DOK6: variants seen among roughly 807,000 people sequenced by gnomAD.
The protein encoded by DOK6 is downstream of tyrosine kinase 6.
In DOK6, 22 loss-of-function variants were observed where a neutral mutation model predicts 44.0. The ratio of observed to expected loss-of-function variants is 0.50; its 90% CI spans 0.36 to 0.71. The LOEUF (loss-of-function observed/expected upper bound fraction) is 0.71. Ranked by LOEUF, DOK6 falls within the 30% of genes least tolerant of loss-of-function variation. DOK6 has a pLI of 0.00. For missense variants in DOK6, 340 were observed against 416.4 expected, an observed-to-expected ratio of 0.82 and a Z score of 1.60; for synonymous variants, 166 against 145.5, an observed-to-expected ratio of 1.14 and a Z score of -1.01.
At chr18:69,714,486 A>G (rs945165912) in intron 5 of DOK6, among the ~76,000 whole-genome samples, 1 of 152,142 alleles carries the variant, frequency 6.6e-6, no homozygotes, top group Non-Finnish European at 1.5e-5. Flanking sequence ...TCTCTTGATA[A>G]TTTCATCCTT....
At chr18:69,583,971 G>T (rs539017023) in intron 2 of DOK6, among the ~76,000 whole-genome samples, 12 of 151,592 alleles carry the variant, frequency 7.9e-5, no homozygotes, top group Non-Finnish European at 1.8e-4. Flanking sequence ...AGCCAGGCGT[G>T]GTGGCGGGCG....
intron 1 of DOK6, among the ~76,000 whole-genome samples, chr18:69,467,470 A>G (rs1003811463): frequency 6.6e-6 from 1 of 152,182 alleles, no homozygotes; most frequent in Non-Finnish European, 1.5e-5. Context: ...AGTATAATAT[A>G]TGAAAATATG....
intron 7 of DOK6, among the ~76,000 whole-genome samples, chr18:69,769,389 G>C (rs1174248423): frequency 1.3e-5 from 2 of 152,024 alleles, no homozygotes; most frequent in Non-Finnish European, 2.9e-5. Context: ...ATCATTTCCA[G>C]TTTAGGATTC....
chr18:69,632,982 C>G (rs1408085826), intron 3 of DOK6, among the ~76,000 whole-genome samples: 1 of 152,210 alleles, frequency 6.6e-6, no homozygotes, highest in African/African-American at 2.4e-5. Flanking sequence ...TGGGGAACAT[C>G]ATGGTTTAAG....
chr18:69,703,657 T>C (rs1308622594), intron 5 of DOK6, among the ~76,000 whole-genome samples: 1 of 152,156 alleles, frequency 6.6e-6, no homozygotes, highest in Non-Finnish European at 1.5e-5. Flanking sequence ...TTCAGAAACC[T>C]AGGATGCTGC....
At chr18:69,812,530 G>A (rs1001521681) in intron 7 of DOK6, among the ~76,000 whole-genome samples, 1 of 152,124 alleles carries the variant, frequency 6.6e-6, no homozygotes, top group Non-Finnish European at 1.5e-5. Flanking sequence ...GATGTCCTGT[G>A]ATGGACAGCT....
rs190447144 is a variant in DOK6 at position 69,532,026 on chromosome 18, T to C, written c.67-32461T>C. Among the ~76,000 whole-genome samples, 250 of 152,190 alleles carry C rather than the reference T, an allele frequency of 1.6e-3. 1 individual carries two copies. Among genetic ancestry groups the C allele is most frequent in the Middle Eastern group, 0.01 (3 of 292 alleles). On this transcript the variant is annotated intron_variant, in intron 1 of 7. Coordinates refer to ENST00000382713, the MANE Select transcript of DOK6 (RefSeq NM_152721.6). The stretch of plus-strand genomic sequence containing the variant: ...TAGGAAAAAACACCAAAGTTTATTC[T>C]CTCCACCACGTGAGGACACAGAGAG...
intron 1 of DOK6, among the ~76,000 whole-genome samples, chr18:69,459,052 C>A (rs981905493): frequency 2.6e-5 from 4 of 151,022 alleles, no homozygotes; most frequent in African/African-American, 9.7e-5. Flanking sequence ...GCTGACATCA[C>A]GCCACTGCAC....
chr18:69,688,465 C>T (rs1329765140), intron 4 of DOK6, among the ~76,000 whole-genome samples: 1 of 152,168 alleles, frequency 6.6e-6, no homozygotes, highest in Non-Finnish European at 1.5e-5. Context: ...ACAAAGGCTA[C>T]AGAGATCCAG....
intron 1 of DOK6, among the ~76,000 whole-genome samples, chr18:69,517,564 T>A (rs1423692351): frequency 6.6e-6 from 1 of 152,174 alleles, no homozygotes; most frequent in African/African-American, 2.4e-5. Flanking sequence ...ATTGACTGAT[T>A]GTAGCTAGAA....
rs1985878637 is a variant in DOK6 at position 69,674,587 on chromosome 18, CTG to C, written c.290-3142_290-3141del. On this transcript the variant is annotated intron_variant, in intron 3 of 7. Transcript: ENST00000382713. ...CACTCACACACACTCATCAAAACTGCTGTGTGCACACACACCCACACATTACA... is the reference window on the plus strand; with the variant it reads ...CACTCACACACACTCATCAAAACTGCTGTGCACACACACCCACACATTACA... Among the ~76,000 whole-genome samples the C allele has an allele frequency of 2.0e-5, 3 of 152,066 alleles. No individual in the cohort carries two copies. The South Asian group carries it at 6.2e-4, about 32-fold the overall frequency.
intron 3 of DOK6, among the ~76,000 whole-genome samples, chr18:69,636,388 C>A (rs1446394754): frequency 6.6e-6 from 1 of 152,134 alleles, no homozygotes; most frequent in Non-Finnish European, 1.5e-5. Flanking sequence ...TTAATTAATG[C>A]CCTGGCACCT....
At chr18:69,482,817 CT>C (rs1980467374) in intron 1 of DOK6, among the ~76,000 whole-genome samples, 1 of 151,952 alleles carries the variant, frequency 6.6e-6, no homozygotes, top group South Asian at 2.1e-4. Context: ...AATATGAGTT[CT>C]GTAATTTAAA....
chr18:69,459,187 T>TTGTGTGTG (rs71176967), intron 1 of DOK6, among the ~76,000 whole-genome samples: 7 of 136,972 alleles, frequency 5.1e-5, no homozygotes, highest in African/African-American at 1.7e-4. Context: ...AAAAAATATT[T>TTGTGTGTG]TGTGTGTGTG....
intron 1 of DOK6, among the ~76,000 whole-genome samples, chr18:69,517,398 C>A (rs1205158185): frequency 6.6e-6 from 1 of 152,086 alleles, no homozygotes; most frequent in Admixed American, 6.5e-5. Flanking sequence ...ATTGGCAACT[C>A]TTTTTTCAAA....
intron 7 of DOK6, among the ~76,000 whole-genome samples, chr18:69,800,401 G>C (rs753314900): frequency 6.6e-6 from 1 of 152,048 alleles, no homozygotes; most frequent in Non-Finnish European, 1.5e-5. Flanking sequence ...ACTTATGCTA[G>C]AGAAATTACC....
Position 69,757,615 on chromosome 18 carries a change from AG to A in DOK6, c.739-140del, listed in dbSNP as rs1244639004. 10 of 667,580 alleles carry A rather than the reference AG, an allele frequency of 1.5e-5. No homozygotes were observed. The African/African-American group carries it at 1.6e-4, about 11-fold the overall frequency. 41.4% of individuals were successfully genotyped at this position (667,580 alleles called of 1,614,324 possible). ...TTTTGAGTAATGATTTTACTTTAAA[AG>A]TTATCCTTACACCGGGGATCATGCA... On this transcript the variant is annotated intron_variant, in intron 6 of 7. Coordinates refer to ENST00000382713, the MANE Select transcript of DOK6 (RefSeq NM_152721.6).
In DOK6 at chr18:69,757,784, C is replaced by T. The variant is rs1387217404; in HGVS notation, c.767C>T (p.Thr256Ile). 1.9e-6 allele frequency: 3 copies of T among 1,614,002 alleles called. No homozygotes were observed. The highest frequency in any genetic ancestry group is 2.2e-5 in the South Asian group (2 of 91,092). The change falls in exon 7 of 8, where the codon ACA (threonine) becomes ATA (isoleucine). Residue 256 changes from threonine (T) to isoleucine (I), a missense_variant. Thr to Ile is a moderately conservative substitution (Grantham distance 89). Transcript: ENST00000382713. ...CAGACAAGCTTGACTGAACCAATGA[C>T]ATTATCCAAATCAATATCTCTTCCT... ...RLQTSLTEPM[T>I]LSKSISLPRS...
At chr18:69,492,779 G>A (rs985285274) in intron 1 of DOK6, among the ~76,000 whole-genome samples, 9 of 104,718 alleles carry the variant, frequency 8.6e-5, no homozygotes, top group African/African-American at 2.7e-4. Context: ...ATATTCCATG[G>A]TGTATATGTA....
Sources: gnomAD v4.1 joint callset for allele counts (sites outside exome capture counted in the v4.1 genomes callset) on GRCh38, gnomAD v4.1.1 for gene constraint, MANE v1.5 for transcripts, NCBI Gene and HGNC (gene_info 2026-07-23, HGNC 2026-07-21) for gene names.